The following GPC4 variants were observed in gnomAD, a reference collection of about 807,000 sequenced individuals.
GPC4 encodes the protein glypican-4.
A neutral mutation model predicts 35.0 loss-of-function variants in GPC4; 10 were observed. That is an observed-to-expected ratio of 0.29 (90% CI 0.18 to 0.48). The LOEUF is 0.48. Among genes scored for constraint, GPC4 ranks in the 20% least tolerant of loss-of-function variants. The pLI is 0.99. For missense variants in GPC4, 322 were observed against 451.3 expected (o/e 0.71, Z 2.60); for synonymous variants, 167 against 170.2 (o/e 0.98, Z 0.15).
chrX:133,400,935 A>G (rs1252255081), intron 1 of GPC4, among the ~76,000 whole-genome samples: 2 of 108,565 alleles, frequency 1.8e-5, no homozygotes, highest in Non-Finnish European at 3.8e-5. Flanking sequence ...GGAGTATCCT[A>G]TTTTATACAG....
At chrX:133,351,877 T>C (rs1192076626) in intron 1 of GPC4, among the ~76,000 whole-genome samples, 2 of 112,089 alleles carry the variant, frequency 1.8e-5, no homozygotes, top group African/African-American at 6.5e-5. Context: ...TTTGACCCGA[T>C]TTGGCAACAC....
intron 4 of GPC4, among the ~76,000 whole-genome samples, chrX:133,306,539 TA>T (rs2068292024): frequency 8.9e-6 from 1 of 111,824 alleles, no homozygotes; most frequent in South Asian, 3.8e-4. Flanking sequence ...GAGACTTCCC[TA>T]GGATCTTCTC....
chrX:133,337,645 C>A (rs1056701218), intron 2 of GPC4, among the ~76,000 whole-genome samples: 1 of 110,884 alleles, frequency 9.0e-6, no homozygotes, highest in African/African-American at 3.3e-5. Flanking sequence ...TCAAAAATGA[C>A]CATTTAATTA....
chrX:133,379,370 CAG>C, intron 1 of GPC4, among the ~76,000 whole-genome samples: 1 of 111,823 alleles, frequency 8.9e-6, no homozygotes, highest in African/African-American at 3.2e-5. Flanking sequence ...TGAGCAAATC[CAG>C]AGAGACTGAA....
chrX:133,347,099 G>A (rs893735338), intron 1 of GPC4, among the ~76,000 whole-genome samples: 3 of 110,020 alleles, frequency 2.7e-5, no homozygotes, highest in Non-Finnish European at 5.7e-5. Flanking sequence ...GCTTTAGTTC[G>A]TAATTATGCA....
chrX:133,331,746 G>C (rs1441547055), intron 2 of GPC4, among the ~76,000 whole-genome samples: 1 of 91,139 alleles, frequency 1.1e-5, no homozygotes, highest in African/African-American at 5.0e-5. Context: ...GGCCAACAGA[G>C]TGAGACTGTC....
intron 4 of GPC4, among the ~76,000 whole-genome samples, chrX:133,309,416 T>C (rs1227089262): frequency 8.9e-6 from 1 of 112,329 alleles, no homozygotes; most frequent in Non-Finnish European, 1.9e-5. Context: ...AAAGCCAGAG[T>C]GTGGTTTTGA....
chrX:133,337,557 G>A (rs909057820), intron 2 of GPC4, among the ~76,000 whole-genome samples: 1 of 111,718 alleles, frequency 9.0e-6, no homozygotes, highest in African/African-American at 3.3e-5. Context: ...CATTTCTAAA[G>A]AGCAGATTTT....
At chrX:133,322,570 A>AG (rs397812076) in intron 3 of GPC4, among the ~76,000 whole-genome samples, 1 of 110,472 alleles carries the variant, frequency 9.1e-6, no homozygotes, top group Admixed American at 9.6e-5. Context: ...AAAAAAAAAA[A>AG]GTGACACCTG....
At chrX:133,357,872 A>G (rs1241910935) in intron 1 of GPC4, among the ~76,000 whole-genome samples, 1 of 112,053 alleles carries the variant, frequency 8.9e-6, no homozygotes, top group Non-Finnish European at 1.9e-5. Flanking sequence ...AAGATGCTAT[A>G]TATTTCTCAG....
intron 6 of GPC4, 37 bp from the exon 7 acceptor site, chrX:133,304,898 G>A (rs765644790): frequency 8.4e-7 from 1 of 1,191,877 alleles, no homozygotes; most frequent in East Asian, 3.0e-5. Context: ...AAAGATCATT[G>A]TAAGACAAGA....
At chrX:133,389,592 C>T (rs936522929) in intron 1 of GPC4, among the ~76,000 whole-genome samples, 5 of 111,206 alleles carry the variant, frequency 4.5e-5, no homozygotes, top group African/African-American at 1.3e-4. Context: ...GCGGGCGAGA[C>T]GAGAAGACAG....
At chrX:133,348,979 C>A (rs1287024348) in intron 1 of GPC4, among the ~76,000 whole-genome samples, 3 of 112,250 alleles carry the variant, frequency 2.7e-5, no homozygotes, top group Non-Finnish European at 5.6e-5. Flanking sequence ...TCTGTTAGAG[C>A]CCCAGTGATA....
intron 1 of GPC4, among the ~76,000 whole-genome samples, chrX:133,382,931 A>C (rs1399003337): frequency 8.9e-6 from 1 of 112,445 alleles, no homozygotes; most frequent in Non-Finnish European, 1.9e-5. Context: ...TTATAGCGCA[A>C]GAGAAACTCT....
At chrX:133,397,091 A>G (rs933639830) in intron 1 of GPC4, among the ~76,000 whole-genome samples, 2 of 112,238 alleles carry the variant, frequency 1.8e-5, no homozygotes, top group Non-Finnish European at 3.8e-5. Flanking sequence ...ACACTAAAAG[A>G]TTACTGGTAA....
At chrX:133,363,556 T>C (rs1194811789) in intron 1 of GPC4, among the ~76,000 whole-genome samples, 1 of 111,519 alleles carries the variant, frequency 9.0e-6, no homozygotes, top group African/African-American at 3.3e-5. Context: ...CCTCATCAGC[T>C]AGGCAAACCA....
At chrX:133,382,549 A>G (rs912999906) in intron 1 of GPC4, among the ~76,000 whole-genome samples, 1 of 108,191 alleles carries the variant, frequency 9.2e-6, no homozygotes, top group Non-Finnish European at 1.9e-5. Context: ...TAACACGGTG[A>G]AACCCCGTCT....
intron 1 of GPC4, among the ~76,000 whole-genome samples, chrX:133,408,120 C>T (rs1036182851): frequency 1.8e-5 from 2 of 112,593 alleles, no homozygotes; most frequent in Non-Finnish European, 3.7e-5. Context: ...AGGATGGAAT[C>T]GCTTCATGCA....
intron 1 of GPC4, among the ~76,000 whole-genome samples, chrX:133,388,178 C>T (rs1375486270): frequency 8.9e-6 from 1 of 112,046 alleles, no homozygotes; most frequent in Non-Finnish European, 1.9e-5. Flanking sequence ...AAAGCCCTTA[C>T]TTTAAAAGCT....
Sources: gnomAD v4.1 joint callset for allele counts (sites outside exome capture counted in the v4.1 genomes callset) on GRCh38, gnomAD v4.1.1 for gene constraint, MANE v1.5 for transcripts, NCBI Gene and HGNC (gene_info 2026-07-23, HGNC 2026-07-21) for gene names.